PMP22: variants seen among roughly 807,000 people sequenced by gnomAD.
The protein encoded by PMP22 is Charcot-Marie-Tooth neuropathy 1A (greatly reduced nerve conduction velocity, hereditary motor sensory neuropathy Ia).
PMP22 carries 2 observed loss-of-function variants against 18.9 expected under a neutral mutation model. The ratio of observed to expected loss-of-function variants is 0.11; its 90% CI spans 0.04 to 0.33. PMP22 has a LOEUF of 0.33. PMP22 is among the 10% of genes least tolerant of loss of function. PMP22 has a pLI of 1.00. For missense variants in PMP22, 169 were observed against 202.2 expected (o/e 0.84, Z 1.00); for synonymous variants, 95 against 89.2 (o/e 1.07, Z -0.37).
At chr17:15,245,659 T>C (rs1260583641) in intron 3 of PMP22, among the ~76,000 whole-genome samples, 1 of 152,112 alleles carries the variant, frequency 6.6e-6, no homozygotes, top group Non-Finnish European at 1.5e-5. Flanking sequence ...CAGGCTGTTA[T>C]TGAGGGGCCA....
intron 3 of PMP22, among the ~76,000 whole-genome samples, chr17:15,241,568 T>C (rs1265148004): frequency 1.3e-5 from 2 of 152,190 alleles, no homozygotes; most frequent in Non-Finnish European, 2.9e-5. Flanking sequence ...GCCCCTGTCA[T>C]TTTCAGCAGA....
At chr17:15,238,716 G>A (rs916651812) in intron 4 of PMP22, among the ~76,000 whole-genome samples, 4 of 152,234 alleles carry the variant, frequency 2.6e-5, no homozygotes, top group African/African-American at 9.6e-5. Flanking sequence ...GCAGAATCCA[G>A]AGACAAAGTT....
rs1909047289 is a variant in PMP22 at position 15,258,765 on chromosome 17, C to T, written c.178+329G>A. ...GTTTGATCCAATGTCCCAAGGGGGT[C>T]TGCCAAAGGCTTAGCTATCATACCA... On this transcript the variant is annotated intron_variant, in intron 3 of 4. Transcript: ENST00000312280. This position sits in a 1 kb window ranked among gnomAD's most constrained non-coding sequence, Gnocchi z 4.1. The T allele has an allele frequency of 1.8e-5, 7 of 384,522 alleles. No individual in the cohort carries two copies. Among genetic ancestry groups the T allele is most frequent in the South Asian group, 1.5e-4 (7 of 45,920 alleles). The allele number at this position is 384,522 out of a possible 1,614,324, so 23.8% of individuals were successfully genotyped here.
rs117277951 is a variant in PMP22, at chr17:15,230,744, G to A, written c.*173C>T. On this transcript the variant is annotated 3_prime_UTR_variant, in exon 5 of 5. Coordinates refer to ENST00000312280, the MANE Select transcript of PMP22 (RefSeq NM_000304.4). Reference sequence around the variant, plus strand: ...GTGTTATAAATAGGTTTTATAAACCGGAGATATTATATACATCTTCAATCA... The same window carrying A: ...GTGTTATAAATAGGTTTTATAAACCAGAGATATTATATACATCTTCAATCA... The A allele has an allele frequency of 9.4e-4, 606 of 646,408 alleles. 4 individuals carry two copies. In the East Asian group the frequency reaches 0.015, roughly 16 times the overall value. The allele number at this position is 646,408 out of a possible 1,614,324, so 40.0% of individuals were successfully genotyped here. A position where few individuals can be genotyped will look rare whatever the true frequency, so the allele number is the denominator to read the frequency against.
Position 15,230,822 on chromosome 17 carries a change from T to G in PMP22, c.*95A>C. The G allele has an allele frequency of 7.9e-6, 11 of 1,386,326 alleles. No individual in the cohort carries two copies. The highest frequency in any genetic ancestry group is 2.3e-5 in the East Asian group (1 of 43,518). 85.9% of individuals were successfully genotyped at this position (1,386,326 alleles called of 1,614,324 possible). On this transcript the variant is annotated 3_prime_UTR_variant, in exon 5 of 5. Transcript: ENST00000312280. Reference sequence around the variant, plus strand: ...TGTTTGGTTTGGTTTGAGTTTGGGATTTTGGGCTAGCTCTTTTTTCTTTGT... The same window carrying G: ...TGTTTGGTTTGGTTTGAGTTTGGGAGTTTGGGCTAGCTCTTTTTTCTTTGT...
Position 15,260,519 on chromosome 17 carries a change from A to G in PMP22, c.78+131T>C, listed in dbSNP as rs1909222516. ...CAACTGGAAGGGGGCAGATTGCCAGAAACTTCCCTGGGACGTCTGAGACTT... is the reference window on the plus strand; with the variant it reads ...CAACTGGAAGGGGGCAGATTGCCAGGAACTTCCCTGGGACGTCTGAGACTT... On this transcript the variant is annotated intron_variant, in intron 2 of 4. Transcript: ENST00000312280. 15 of 810,758 alleles carry G rather than the reference A, an allele frequency of 1.9e-5. No individual in the cohort carries two copies. The South Asian group carries it at 2.2e-4, about 12-fold the overall frequency. 50.2% of individuals were successfully genotyped at this position (810,758 alleles called of 1,614,324 possible).
chr17:15,241,131 G>A (rs1907280129), intron 3 of PMP22, among the ~76,000 whole-genome samples: 1 of 152,098 alleles, frequency 6.6e-6, no homozygotes, highest in South Asian at 2.1e-4. Flanking sequence ...TTTGATTCTA[G>A]TCTAGCACTC....
chr17:15,230,706 A>G lies in PMP22; in HGVS notation c.*211T>C. 1 of 593,142 alleles carries G rather than the reference A, an allele frequency of 1.7e-6. No homozygotes were observed. Among genetic ancestry groups the G allele is most frequent in the Non-Finnish European group, 3.0e-6 (1 of 334,006 alleles). The allele number at this position is 593,142 out of a possible 1,614,324, so 36.7% of individuals were successfully genotyped here. ...ATAAAAAGCAAACAATACTATGTAC[A>G]TATATGTAAAAAGTGTTATAAATAG... On this transcript the variant is annotated 3_prime_UTR_variant, in exon 5 of 5. Coordinates refer to ENST00000312280, the MANE Select transcript of PMP22 (RefSeq NM_000304.4).
intron 3 of PMP22, among the ~76,000 whole-genome samples, chr17:15,250,424 T>A (rs1908235965): frequency 6.6e-6 from 1 of 152,156 alleles, no homozygotes; most frequent in Non-Finnish European, 1.5e-5. Flanking sequence ...TACCCTTCGG[T>A]ATAGAGGAAT....
At chr17:15,259,808 G>T (rs1909148645) in intron 2 of PMP22, among the ~76,000 whole-genome samples, 1 of 151,300 alleles carries the variant, frequency 6.6e-6, no homozygotes, top group African/African-American at 2.4e-5. Context: ...AATTAGCCAG[G>T]CGTGGTGGCG....
chr17:15,244,759 G>A (rs116781251), intron 3 of PMP22, among the ~76,000 whole-genome samples: 2,988 of 152,270 alleles, frequency 0.02, 95 homozygotes, highest in African/African-American at 0.066. Context: ...GCAAATATTC[G>A]TAGAGAAAGA....
intron 4 of PMP22, 78 bp downstream of exon 4, chr17:15,239,393 C>T (rs754945865): frequency 1.3e-6 from 2 of 1,511,402 alleles, no homozygotes; most frequent in South Asian, 1.1e-5. Context: ...TCTGAGGCCA[C>T]ATCCTTCTAC....
intron 3 of PMP22, among the ~76,000 whole-genome samples, chr17:15,241,961 T>C (rs937897490): frequency 2.6e-5 from 4 of 151,888 alleles, no homozygotes; most frequent in Admixed American, 6.6e-5. Context: ...TGTGAATGGG[T>C]TCAAGGCACT....
chr17:15,249,354 T>A (rs1237668570), intron 3 of PMP22, among the ~76,000 whole-genome samples: 1 of 152,188 alleles, frequency 6.6e-6, no homozygotes, highest in East Asian at 1.9e-4. Context: ...CCAGGGTACC[T>A]GCCCCAGGTT....
At chr17:15,260,498 TG>T in intron 2 of PMP22, 151 bp downstream of exon 2, 1 of 721,728 alleles carries the variant, frequency 1.4e-6, no homozygotes, top group Non-Finnish European at 2.5e-6. Context: ...TCAAAGCAAC[TG>T]GAAGGGGGCA....
chr17:15,248,286 C>A (rs1318298201), intron 3 of PMP22, among the ~76,000 whole-genome samples: 2 of 152,020 alleles, frequency 1.3e-5, no homozygotes, highest in Non-Finnish European at 2.9e-5. Context: ...ACGTGGGCGG[C>A]TCTCTCAACA....
chr17:15,238,906 T>C (rs230949), intron 4 of PMP22, among the ~76,000 whole-genome samples: 86,271 of 152,038 alleles, frequency 0.57, 25,213 homozygotes, highest in African/African-American at 0.72. Context: ...CACAAGAGTG[T>C]CAAAATGAAG....
chr17:15,256,003 A>G (rs1310273488), intron 3 of PMP22, among the ~76,000 whole-genome samples: 1 of 152,188 alleles, frequency 6.6e-6, no homozygotes, highest in Non-Finnish European at 1.5e-5. Flanking sequence ...GAGGCACTGG[A>G]TACAATATCA....
intron 3 of PMP22, among the ~76,000 whole-genome samples, chr17:15,251,947 G>A (rs1908390812): frequency 1.3e-5 from 2 of 152,072 alleles, no homozygotes; most frequent in African/African-American, 4.8e-5. Context: ...ATTGGCATCA[G>A]AGAAACCCTA....
Sources: gnomAD v4.1 joint callset for allele counts (sites outside exome capture counted in the v4.1 genomes callset) on GRCh38, gnomAD v4.1.1 for gene constraint, Gnocchi (gnomAD v3.1) non-coding constraint, MANE v1.5 for transcripts, NCBI Gene and HGNC (gene_info 2026-07-23, HGNC 2026-07-21) for gene names.